Variants in C1QTNF7 observed in about 807,000 individuals in gnomAD.
C1QTNF7 encodes C1q and TNF related 7.
C1QTNF7 carries 15 observed loss-of-function variants against 19.6 expected under a neutral mutation model. That is an observed-to-expected ratio of 0.76 (90% CI 0.51 to 1.18). The LOEUF (loss-of-function observed/expected upper bound fraction) is 1.18. Ranked by LOEUF, C1QTNF7 falls within the 50% of genes most tolerant of loss-of-function variation. The pLI is 0.00. For synonymous variants in C1QTNF7, 142 were observed against 137.5 expected, an observed-to-expected ratio of 1.03 and a Z score of -0.23; for missense variants, 324 against 359.7, an observed-to-expected ratio of 0.90 and a Z score of 0.80.
rs1711830751 is a variant in C1QTNF7, at chr4:15,422,614, T to TA, written c.14-13122_14-13121insA. Among the ~76,000 whole-genome samples, 16 of 152,262 alleles carry TA rather than the reference T, an allele frequency of 1.1e-4. No homozygotes were observed. The South Asian group carries it at 3.1e-3, about 30-fold the overall frequency. ...AATATGTTTAAAACTTTCGATAATTTTTTTTTTTTAGAAAGGGTCTTGCTT... is the reference window on the plus strand; with the variant it reads ...AATATGTTTAAAACTTTCGATAATTTATTTTTTTTTAGAAAGGGTCTTGCTT... On this transcript the variant is annotated intron_variant, in intron 1 of 2. Transcript: ENST00000295297.
At chr4:15,401,006 C>T (rs536704276) in intron 1 of C1QTNF7, among the ~76,000 whole-genome samples, 7 of 152,216 alleles carry the variant, frequency 4.6e-5, no homozygotes, top group South Asian at 4.2e-4. Flanking sequence ...ATTTTAGAGA[C>T]GAGGAAGGGT....
intron 1 of C1QTNF7, among the ~76,000 whole-genome samples, chr4:15,420,811 AT>A (rs1381472043): frequency 7.3e-6 from 1 of 136,262 alleles, no homozygotes; most frequent in Non-Finnish European, 1.6e-5. Flanking sequence ...CTAGGGTAAC[AT>A]TCCACTGCTT....
intron 1 of C1QTNF7, among the ~76,000 whole-genome samples, 194 bp downstream of exon 1, chr4:15,428,300 T>C (rs935423944): frequency 6.6e-6 from 1 of 152,174 alleles, no homozygotes; most frequent in African/African-American, 2.4e-5. Flanking sequence ...TCTCAGGACC[T>C]TGGTTCCCCA....
intron 1 of C1QTNF7, among the ~76,000 whole-genome samples, chr4:15,344,363 A>C (rs538622147): frequency 1.3e-5 from 2 of 152,360 alleles, no homozygotes; most frequent in African/African-American, 4.8e-5. Flanking sequence ...CCAATTAGGA[A>C]TCTAGATATG....
At chr4:15,439,348 C>T (rs1435534830) in intron 2 of C1QTNF7, among the ~76,000 whole-genome samples, 1 of 152,160 alleles carries the variant, frequency 6.6e-6, no homozygotes, top group Non-Finnish European at 1.5e-5. Flanking sequence ...AAATTGCATC[C>T]CAGAATGTAT....
At chr4:15,399,678 T>C (rs1345572730) in intron 1 of C1QTNF7, among the ~76,000 whole-genome samples, 1 of 152,220 alleles carries the variant, frequency 6.6e-6, no homozygotes, top group Non-Finnish European at 1.5e-5. Context: ...TCATTTTAAC[T>C]GTTAGCTTAA....
intron 2 of C1QTNF7, among the ~76,000 whole-genome samples, chr4:15,436,339 C>G (rs1712537126): frequency 6.6e-6 from 1 of 152,200 alleles, no homozygotes; most frequent in East Asian, 1.9e-4. Flanking sequence ...TGGGCTATTG[C>G]AGCCAGCAGG....
chr4:15,416,005 G>C (rs1198398232), intron 1 of C1QTNF7, among the ~76,000 whole-genome samples: 1 of 152,208 alleles, frequency 6.6e-6, no homozygotes, highest in African/African-American at 2.4e-5. Flanking sequence ...TGTACATAGA[G>C]CTTTGAGTAC....
At chr4:15,349,187 G>A (rs551440039) in intron 1 of C1QTNF7, among the ~76,000 whole-genome samples, 5 of 152,284 alleles carry the variant, frequency 3.3e-5, no homozygotes, top group Admixed American at 2.6e-4. Flanking sequence ...CCAGAGTGGG[G>A]CAAACTGGGG....
intron 1 of C1QTNF7, among the ~76,000 whole-genome samples, chr4:15,375,093 G>A (rs1241506028): frequency 2.0e-5 from 3 of 151,788 alleles, no homozygotes; most frequent in Non-Finnish European, 2.9e-5. Flanking sequence ...ACCGACACTC[G>A]CGGGGGCAAG....
upstream of C1QTNF7, chr4:15,427,791 G>C (rs1712119539): frequency 6.6e-6 from 1 of 152,450 alleles, no homozygotes; most frequent in South Asian, 2.1e-4. Flanking sequence ...CTGAAAAAGA[G>C]GCCACAACAC....
chr4:15,368,494 A>G (rs1339214915), intron 1 of C1QTNF7, among the ~76,000 whole-genome samples: 4 of 151,932 alleles, frequency 2.6e-5, no homozygotes, highest in Non-Finnish European at 4.4e-5. Context: ...CCTGTGTCCA[A>G]GTGTTCTCAT....
intron 1 of C1QTNF7, among the ~76,000 whole-genome samples, chr4:15,347,800 T>G (rs1455703043): frequency 6.6e-6 from 1 of 152,200 alleles, no homozygotes; most frequent in Non-Finnish European, 1.5e-5. Flanking sequence ...TCCTTAATGC[T>G]AAATTTGCAT....
At chr4:15,419,940 C>T (rs1711670400) in intron 1 of C1QTNF7, 1 of 152,132 alleles carries the variant, frequency 6.6e-6, no homozygotes, top group Middle Eastern at 3.2e-3. Flanking sequence ...TATCTTTGCC[C>T]AAGTGTGCTT....
chr4:15,400,067 G>A (rs977223409), intron 1 of C1QTNF7, among the ~76,000 whole-genome samples: 40 of 152,214 alleles, frequency 2.6e-4, no homozygotes, highest in African/African-American at 9.4e-4. Flanking sequence ...ATACATCAAT[G>A]TGATTGTAAC....
intron 1 of C1QTNF7, among the ~76,000 whole-genome samples, chr4:15,363,049 T>A (rs1391749127): frequency 6.6e-6 from 1 of 152,050 alleles, no homozygotes; most frequent in Non-Finnish European, 1.5e-5. Context: ...AATTTTGTAC[T>A]TTTTTTTCTC....
At chr4:15,391,898 A>T (rs1458818500) in intron 1 of C1QTNF7, among the ~76,000 whole-genome samples, 11 of 152,078 alleles carry the variant, frequency 7.2e-5, no homozygotes, top group Non-Finnish European at 5.9e-5. Flanking sequence ...CAGGTCCAAA[A>T]CCCATGTTCT....
At position 15,431,052 on chromosome 4, in the gene C1QTNF7, TGATAGATAGATA is replaced by T. The variant is rs33924061; in HGVS notation, c.-9+2990_-9+3001del. Among the ~76,000 whole-genome samples the T allele has an allele frequency of 7.2e-3, 1,049 of 145,018 alleles. 8 individuals are homozygous for T. The highest frequency in any genetic ancestry group is 0.018 in the African/African-American group (681 of 38,048). On this transcript the variant is annotated intron_variant, in intron 1 of 2. Transcript: ENST00000444304. ...CCATTTGTAGATTAAGATAGATAGA[TGATAGATAGATA>T]GATAGATAGATAGATAGATAGATAG... is the stretch of plus-strand genomic sequence containing the variant.
At chr4:15,436,755 A>G (rs966558431) in intron 2 of C1QTNF7, among the ~76,000 whole-genome samples, 4 of 152,252 alleles carry the variant, frequency 2.6e-5, no homozygotes, top group African/African-American at 9.6e-5. Context: ...AGGCTGTGTT[A>G]ACTCTAAAAG....
Sources: gnomAD v4.1 joint callset for allele counts (sites outside exome capture counted in the v4.1 genomes callset) on GRCh38, gnomAD v4.1.1 for gene constraint, MANE v1.5 for transcripts, NCBI Gene and HGNC (gene_info 2026-07-23, HGNC 2026-07-21) for gene names.